DDX1: variants seen among roughly 807,000 people sequenced by gnomAD.
The protein encoded by DDX1 is ATP-dependent RNA helicase DDX1.
Under a neutral mutation model 108.7 loss-of-function variants are expected in DDX1, and 28 were observed. The observed-to-expected ratio is 0.26, with a 90% confidence interval of 0.19 to 0.35. DDX1 has a LOEUF of 0.35. Ranked by LOEUF, DDX1 falls within the 10% of genes least tolerant of loss-of-function variation. The probability of loss-of-function intolerance (pLI) is 1.00; values close to 1 mark genes in which losing one functional copy is unlikely to be tolerated. For synonymous variants in DDX1, 295 were observed against 288.9 expected (o/e 1.02, Z -0.21); for missense variants, 710 against 884.5 (o/e 0.80, Z 2.50).
chr2:15,593,620 C>T (rs1298232640), intron 1 of DDX1, among the ~76,000 whole-genome samples: 2 of 152,066 alleles, frequency 1.3e-5, no homozygotes, highest in African/African-American at 4.8e-5. Context: ...TGCAGTATTC[C>T]GTATGCAGTA....
intron 13 of DDX1, among the ~76,000 whole-genome samples, chr2:15,611,860 G>A (rs1204804847): frequency 2.1e-5 from 2 of 93,742 alleles, no homozygotes; most frequent in African/African-American, 5.5e-5. Flanking sequence ...CAGTAGGGGC[G>A]GCTGGGCAGA....
intron 19 of DDX1, among the ~76,000 whole-genome samples, chr2:15,623,874 A>G (rs558465810): frequency 1.2e-4 from 18 of 152,294 alleles, no homozygotes. Context: ...AATTTAAAAT[A>G]TGATCACTGA....
rs150312662 is a variant in DDX1 at position 15,613,433 on chromosome 2, G to A, written c.1017+149G>A. ...TTGTTCAAAGACATCTTGCAAGTGC[G>A]CCTTTTCTTCTCCTGGAAGTATACA... On this transcript the variant is annotated intron_variant, in intron 14 of 25. Transcript: ENST00000233084. 6.4e-4 allele frequency: 318 copies of A among 495,936 alleles called. 3 individuals are homozygous for A. The highest frequency in any genetic ancestry group is 5.9e-3 in the African/African-American group (298 of 50,092). 30.7% of individuals were successfully genotyped at this position (495,936 alleles called of 1,614,324 possible). A position where few individuals can be genotyped will look rare whatever the true frequency, so the allele number is the denominator to read the frequency against.
chr2:15,597,509 C>A, intron 5 of DDX1, 38 bp downstream of exon 5: 1 of 1,298,960 alleles, frequency 7.7e-7, no homozygotes, highest in South Asian at 1.3e-5. Context: ...TTATATAAAT[C>A]ATTGGTTCTC....
intron 14 of DDX1, among the ~76,000 whole-genome samples, chr2:15,616,257 A>G (rs142944806): frequency 7.0e-4 from 106 of 152,368 alleles, no homozygotes; most frequent in African/African-American, 2.5e-3. Context: ...ACTGCTTTCT[A>G]GAAATGGGTC....
chr2:15,606,023 G>C lies in DDX1; in HGVS notation c.699G>C (p.Leu233Phe), dbSNP rs1213239069. The change falls in exon 11 of 26, where the codon TTG becomes TTC. Residue 233 changes from leucine to phenylalanine, a missense_variant. Coordinates refer to ENST00000233084, the MANE Select transcript of DDX1 (RefSeq NM_004939.3). ...AAGCCCTCTTTCCTGCCTGTGTTTT[G>C]AAGGTAATTAGGAATCTAGTTAGAA... Reference protein sequence around the residue: ...KNQALFPACVLKNAELKFNFG... With the variant: ...KNQALFPACVFKNAELKFNFG... 5 of 1,587,100 alleles carry C rather than the reference G, an allele frequency of 3.2e-6. No individual in the cohort carries two copies. The highest frequency in any genetic ancestry group is 4.3e-6 in the Non-Finnish European group (5 of 1,169,260).
chr2:15,621,599 C>T (rs1230412935), intron 18 of DDX1, among the ~76,000 whole-genome samples: 2 of 151,744 alleles, frequency 1.3e-5, no homozygotes, highest in African/African-American at 4.8e-5. Flanking sequence ...AGCCACCATG[C>T]CTGGCCTTAA....
Position 15,628,786 on chromosome 2 carries a change from C to G in DDX1, c.1833-11C>G, listed in dbSNP as rs779100196. 2 of 1,613,714 alleles carry G rather than the reference C, an allele frequency of 1.2e-6. No homozygotes were observed. Among genetic ancestry groups the G allele is most frequent in the South Asian group, 1.1e-5 (1 of 91,062 alleles). On this transcript the variant is annotated splice_polypyrimidine_tract_variant and intron_variant, in intron 22 of 25. Transcript: ENST00000233084. ...ATAAAGTCTAATAGAAGGCTTTTAA[C>G]CATCTTTCAGGATGGGTCTGGCAAT...
Position 15,607,168 on chromosome 2 carries a change from C to A in DDX1, c.818-7C>A. On this transcript the variant is annotated splice_polypyrimidine_tract_variant and splice_region_variant and intron_variant, in intron 12 of 25. Transcript: ENST00000233084. ...TGAATGTGTTCTCATCTTTTTTATT[C>A]CCTAAGGTAATGCACAGGTGACACA... 6.2e-7 allele frequency: 1 copy of A among 1,612,822 alleles called. No individual in the cohort carries two copies. The highest frequency in any genetic ancestry group is 8.5e-7 in the Non-Finnish European group (1 of 1,179,314).
rs1665419798 is a variant in DDX1, at chr2:15,591,941, C to T, written c.8C>T (p.Ala3Val). 3 of 1,440,760 alleles carry T rather than the reference C, an allele frequency of 2.1e-6. No individual in the cohort carries two copies. The highest frequency in any genetic ancestry group is 6.0e-5 in the East Asian group (2 of 33,444). 89.2% of individuals were successfully genotyped at this position (1,440,760 alleles called of 1,614,324 possible). ...GCGGAGGACGGGGTGAAGATGGCGG[C>T]CTTCTCCGGTGCGTTTGTGGAAACT... MA[A>V]FSEMGVMPEI... Residue 3 changes from alanine (A) to valine (V), a missense_variant, in exon 1 of 26, where the codon GCC becomes GTC. Transcript: ENST00000233084.
Position 15,613,196 on chromosome 2 carries a change from TA to T in DDX1, c.957-27del, listed in dbSNP as rs397772506. The T allele has an allele frequency of 1.6e-3, 2,431 of 1,489,140 alleles. 2 individuals carry two copies. Among genetic ancestry groups the T allele is most frequent in the Non-Finnish European group, 2.1e-3 (2,271 of 1,096,824 alleles). The allele number at this position is 1,489,140 out of a possible 1,614,324, so 92.2% of individuals were successfully genotyped here. ...AAGCAGACTTTAATTTTTTTTTTTT[TA>T]TATTATCATCTTGATATTTATTTCA... On this transcript the variant is annotated intron_variant, in intron 13 of 25. Coordinates refer to ENST00000233084, the MANE Select transcript of DDX1 (RefSeq NM_004939.3).
intron 14 of DDX1, among the ~76,000 whole-genome samples, chr2:15,614,551 C>T (rs1454098352): frequency 6.6e-6 from 1 of 152,154 alleles, no homozygotes; most frequent in African/African-American, 2.4e-5. Context: ...ATGATTAGAT[C>T]GCGAGGGCTT....
chr2:15,595,759 A>ATC (rs1665486990), intron 3 of DDX1, among the ~76,000 whole-genome samples: 1 of 152,258 alleles, frequency 6.6e-6, no homozygotes, highest in Admixed American at 6.5e-5. Flanking sequence ...ATAAGAATGA[A>ATC]TCTCGTATCA....
At chr2:15,627,493 A>C (rs987039043) in intron 20 of DDX1, 4 of 188,692 alleles carry the variant, frequency 2.1e-5, no homozygotes, top group African/African-American at 9.5e-5. Flanking sequence ...AAGGAACTTA[A>C]TTTGTAGATT....
At chr2:15,598,922 A>G (rs757901189) in intron 5 of DDX1, among the ~76,000 whole-genome samples, 2 of 145,456 alleles carry the variant, frequency 1.4e-5, no homozygotes, top group Non-Finnish European at 3.0e-5. Flanking sequence ...TTGAATTAAG[A>G]TAAAGGACTT....
rs974355240 is a variant in DDX1 at position 15,606,321 on chromosome 2, T to C, written c.817+57T>C. On this transcript the variant is annotated intron_variant, in intron 12 of 25. Coordinates refer to ENST00000233084, the MANE Select transcript of DDX1 (RefSeq NM_004939.3). ...AATAGTGAGAATAATTGATGAGAAC[T>C]CCAGTAAGTAAGGCGTCTCATAGTG... 3 of 1,280,500 alleles carry C rather than the reference T, an allele frequency of 2.3e-6. No individual in the cohort carries two copies. The African/African-American group carries it at 4.4e-5, about 19-fold the overall frequency. The allele number at this position is 1,280,500 out of a possible 1,614,324, so 79.3% of individuals were successfully genotyped here. A position where few individuals can be genotyped will look rare whatever the true frequency, so the allele number is the denominator to read the frequency against.
intron 19 of DDX1, among the ~76,000 whole-genome samples, chr2:15,624,459 T>C (rs1221299848): frequency 1.3e-5 from 2 of 152,144 alleles, no homozygotes; most frequent in Non-Finnish European, 2.9e-5. Flanking sequence ...CTCACAGTTC[T>C]TCAGAGCTGG....
chr2:15,596,972 C>T (rs953570500), intron 4 of DDX1, among the ~76,000 whole-genome samples: 10 of 152,072 alleles, frequency 6.6e-5, no homozygotes, highest in Middle Eastern at 3.2e-3. Context: ...TTTAAATGGG[C>T]GTTAGAGAGT....
intron 1 of DDX1, among the ~76,000 whole-genome samples, chr2:15,592,619 A>G (rs1478047550): frequency 6.6e-6 from 1 of 152,120 alleles, no homozygotes; most frequent in African/African-American, 2.4e-5. Flanking sequence ...ATGATTTGAT[A>G]TGGCTTATCG....
Sources: gnomAD v4.1 joint callset for allele counts (sites outside exome capture counted in the v4.1 genomes callset) on GRCh38, gnomAD v4.1.1 for gene constraint, MANE v1.5 for transcripts, NCBI Gene and HGNC (gene_info 2026-07-23, HGNC 2026-07-21) for gene names.